Variants in BRSK2 observed in about 807,000 individuals in gnomAD.
BRSK2 encodes serine/threonine-protein kinase BRSK2.
Under a neutral mutation model 83.3 loss-of-function variants are expected in BRSK2, and 19 were observed. The observed-to-expected ratio is 0.23, with a 90% CI of 0.16 to 0.33. The LOEUF (loss-of-function observed/expected upper bound fraction) is 0.33. Ranked by LOEUF, BRSK2 falls within the 10% of genes least tolerant of loss-of-function variation. The pLI, the probability that BRSK2 is intolerant of heterozygous loss-of-function variation, is 1.00. For missense variants in BRSK2, 798 were observed against 1,042.3 expected, an observed-to-expected ratio of 0.77 and a Z score of 3.23; for synonymous variants, 519 against 435.4, an observed-to-expected ratio of 1.19 and a Z score of -2.39.
In BRSK2 at chr11:1,458,755, C is replaced by A. The variant is rs4963046; in HGVS notation, c.1940-437C>A. On this transcript the variant is annotated intron_variant, in intron 18 of 19. Transcript: ENST00000528841. ...CAGGCCCAGCAGTAGGGAAGAGGGC[C>A]GAGGAAGAGGGTGCCTGCCTTGAGT... Among the ~76,000 whole-genome samples, 8 of 152,098 alleles carry A rather than the reference C, an allele frequency of 5.3e-5. 1 individual carries two copies. Among genetic ancestry groups the A allele is most frequent in the African/African-American group, 1.9e-4 (8 of 41,516 alleles).
At chr11:1,420,609 C>T (rs934470782) in intron 1 of BRSK2, among the ~76,000 whole-genome samples, 1 of 152,202 alleles carries the variant, frequency 6.6e-6, no homozygotes, top group Non-Finnish European at 1.5e-5. Context: ...GCAGGCCCTG[C>T]CTGGACCCCC....
At chr11:1,445,736 C>T (rs1283978530) in intron 11 of BRSK2, 21 bp from the exon 12 acceptor site, 1 of 1,611,044 alleles carries the variant, frequency 6.2e-7, no homozygotes, top group Non-Finnish European at 8.5e-7. Context: ...GCTGTCTGGC[C>T]TGACCTTCGT....
Position 1,436,143 on chromosome 11 carries a change from GGCCGGGGAGGGAGGCGGGGCCGGC to G in BRSK2, c.186+11_186+34del. ...AGTCGGTGCTGATGAAGGTGGGTGG[GGCCGGGGAGGGAGGCGGGGCCGGC>G]GGTGGGGTGGGGCGGGGAATAGCAC... On this transcript the variant is annotated intron_variant, in intron 2 of 19. Transcript: ENST00000528841. 8.5e-7 allele frequency: 1 copy of G among 1,180,232 alleles called. No individual in the cohort carries two copies. The highest frequency in any genetic ancestry group is 1.2e-6 in the Non-Finnish European group (1 of 857,540). 73.1% of individuals were successfully genotyped at this position (1,180,232 alleles called of 1,614,324 possible). A position where few individuals can be genotyped will look rare whatever the true frequency, so the allele number is the denominator to read the frequency against.
chr11:1,394,712 C>A (rs1488700129), intron 1 of BRSK2, among the ~76,000 whole-genome samples: 2 of 117,680 alleles, frequency 1.7e-5, no homozygotes, highest in Non-Finnish European at 3.5e-5. Flanking sequence ...AGATGGGTCC[C>A]TGGAGATGGG....
In BRSK2 at chr11:1,423,783, C is replaced by G. The variant is rs989407118; in HGVS notation, c.92-12257C>G. 1.4e-5 allele frequency among the ~76,000 whole-genome samples: 2 copies of G among 147,862 alleles called. No individual in the cohort carries two copies. Among genetic ancestry groups the G allele is most frequent in the African/African-American group, 5.0e-5 (2 of 40,138 alleles). Reference sequence around the variant, plus strand: ...CCCCAGGCCTCCCCCGCTGGGCGTTCCGGGTGCCCCAGGCCTCCCCCGCTG... The same window carrying G: ...CCCCAGGCCTCCCCCGCTGGGCGTTGCGGGTGCCCCAGGCCTCCCCCGCTG... On this transcript the variant is annotated intron_variant, in intron 1 of 19. Transcript: ENST00000528841. This position sits in a 1 kb window ranked among gnomAD's most constrained non-coding sequence, Gnocchi z 6.5.
chr11:1,436,794 CCCTT>C (rs2133017708), intron 2 of BRSK2, among the ~76,000 whole-genome samples: 1 of 152,184 alleles, frequency 6.6e-6, no homozygotes, highest in African/African-American at 2.4e-5. Flanking sequence ...CCCCTCCTCT[CCCTT>C]CCTCTCCATT....
intron 1 of BRSK2, among the ~76,000 whole-genome samples, chr11:1,392,551 GTGAGCCT>G (rs1046526534): frequency 6.6e-6 from 1 of 152,238 alleles, no homozygotes; most frequent in African/African-American, 2.4e-5. Context: ...GGCAGTGGCA[GTGAGCCT>G]TGTGGTGCCA....
Position 1,438,531 on chromosome 11 carries a change from C to G in BRSK2, c.272+140C>G. 2.8e-6 allele frequency: 2 copies of G among 717,428 alleles called. No individual in the cohort carries two copies. The highest frequency in any genetic ancestry group is 4.7e-6 in the Non-Finnish European group (2 of 421,822). The allele number at this position is 717,428 out of a possible 1,614,324, so 44.4% of individuals were successfully genotyped here. On this transcript the variant is annotated intron_variant, in intron 3 of 19. Transcript: ENST00000528841. This position sits in a 1 kb window ranked among gnomAD's most constrained non-coding sequence, Gnocchi z 6.4. ...ATCCCAGCAGCCCTGGCCCTGCTAG[C>G]ATGAACACCTGCCTGGGTAGGGTCT... is the stretch of plus-strand genomic sequence containing the variant.
At chr11:1,443,286 C>T in intron 6 of BRSK2, 49 bp from the exon 7 acceptor site, 4 of 1,561,646 alleles carry the variant, frequency 2.6e-6, no homozygotes, top group Non-Finnish European at 1.7e-6. Flanking sequence ...CCTCCAAGGC[C>T]CCCGCCCTGC....
chr11:1,395,762 C>A (rs371279213), intron 1 of BRSK2, among the ~76,000 whole-genome samples: 1 of 152,338 alleles, frequency 6.6e-6, no homozygotes, highest in Non-Finnish European at 1.5e-5. Context: ...GAGGTGCGTG[C>A]ACGCCGTGGA....
chr11:1,422,176 T>C (rs760525805), intron 1 of BRSK2, among the ~76,000 whole-genome samples: 7 of 152,028 alleles, frequency 4.6e-5, no homozygotes, highest in Non-Finnish European at 1.0e-4. Flanking sequence ...CACGGGAGCA[T>C]GCAGGTGGAT....
rs1232467549 is a variant in BRSK2 at position 1,411,546 on chromosome 11, G to T, written c.91+21171G>T. 5 of 1,564,270 alleles carry T rather than the reference G, an allele frequency of 3.2e-6. No individual in the cohort carries two copies. In the South Asian group the frequency reaches 5.8e-5, roughly 18 times the overall value. ...GGCCGCACATCACAGAGTGCCAGCTGGCCACACTCCCGGCCCACAGCTGCT... is the reference window on the plus strand; with the variant it reads ...GGCCGCACATCACAGAGTGCCAGCTTGCCACACTCCCGGCCCACAGCTGCT... On this transcript the variant is annotated intron_variant, in intron 1 of 19. Transcript: ENST00000528841.
intron 14 of BRSK2, 39 bp downstream of exon 14, chr11:1,450,833 G>T: frequency 6.5e-7 from 1 of 1,539,380 alleles, no homozygotes; most frequent in Non-Finnish European, 8.7e-7. Flanking sequence ...GGGGCTGGGA[G>T]AGAGCAGAGG....
chr11:1,440,623 A>G lies in BRSK2; in HGVS notation c.273-165A>G, dbSNP rs575431193. On this transcript the variant is annotated intron_variant, in intron 3 of 19. Coordinates refer to ENST00000528841, the MANE Select transcript of BRSK2 (RefSeq NM_001256627.2). Reference sequence around the variant, plus strand: ...CACCCCCAGGAGCCCAGATGGTTTGAGATCCACCATAGTCAGGGCTCCTCT... The same window carrying G: ...CACCCCCAGGAGCCCAGATGGTTTGGGATCCACCATAGTCAGGGCTCCTCT... 2.6e-3 allele frequency among the ~76,000 whole-genome samples: 379 copies of G among 144,452 alleles called. 4 individuals are homozygous for G. Among genetic ancestry groups the G allele is most frequent in the African/African-American group, 9.2e-3 (369 of 39,898 alleles). 94.8% of individuals were successfully genotyped at this position (144,452 alleles called of 152,430 possible).
At chr11:1,434,601 C>T (rs1375346203) in intron 1 of BRSK2, among the ~76,000 whole-genome samples, 1 of 145,098 alleles carries the variant, frequency 6.9e-6, no homozygotes, top group Non-Finnish European at 1.5e-5. Flanking sequence ...GTGGGGTCCC[C>T]TGTGATAACC....
At chr11:1,419,969 C>T (rs887082040) in intron 1 of BRSK2, among the ~76,000 whole-genome samples, 4 of 152,176 alleles carry the variant, frequency 2.6e-5, no homozygotes, top group East Asian at 1.9e-4. Context: ...CTGGTGCTCC[C>T]GATTCTGCTC....
chr11:1,446,529 C>T (rs149378535), intron 12 of BRSK2, among the ~76,000 whole-genome samples: 3,558 of 152,298 alleles, frequency 0.023, 55 homozygotes, highest in Non-Finnish European at 0.033. Context: ...AAGCCTGTCC[C>T]CCTGGTCCCA....
intron 1 of BRSK2, among the ~76,000 whole-genome samples, chr11:1,394,804 CTGGAGATGGGCCA>C (rs1845962625): frequency 1.2e-5 from 1 of 82,566 alleles, no homozygotes; most frequent in Non-Finnish European, 2.3e-5. Flanking sequence ...GAGATGGGTC[CTGGAGATGGGCCA>C]TGGAGATGGG....
intron 1 of BRSK2, among the ~76,000 whole-genome samples, chr11:1,402,642 C>T (rs1371095728): frequency 1.3e-5 from 2 of 152,172 alleles, no homozygotes; most frequent in Non-Finnish European, 2.9e-5. Flanking sequence ...AGAGGGTTCT[C>T]TAGGGCCTCA....
Sources: allele counts gnomAD v4.1 joint callset (sites outside exome capture counted in the v4.1 genomes callset), GRCh38; gene constraint gnomAD v4.1.1; non-coding constraint Gnocchi (gnomAD v3.1); transcripts MANE v1.5; gene names NCBI Gene and HGNC (gene_info 2026-07-23, HGNC 2026-07-21).